TAF4: variants seen among roughly 807,000 people sequenced by gnomAD.
The protein encoded by TAF4 is transcription initiation factor TFIID subunit 4.
In TAF4, 9 loss-of-function variants were observed where a neutral mutation model predicts 90.3. The ratio of observed to expected loss-of-function variants is 0.10; its 90% CI spans 0.06 to 0.17. The LOEUF (loss-of-function observed/expected upper bound fraction) is 0.17, where lower values mean the gene tolerates loss of function less well. Ranked by LOEUF, TAF4 falls within the 10% of genes least tolerant of loss-of-function variation. The probability of loss-of-function intolerance (pLI) is 1.00; values close to 1 mark genes in which losing one functional copy is unlikely to be tolerated. For missense variants in TAF4, 1,351 were observed against 1,370.7 expected (o/e 0.99, Z 0.23); for synonymous variants, 818 against 638.9 (o/e 1.28, Z -4.23).
At chr20:62,046,434 C>A (rs183782554) in intron 1 of TAF4, among the ~76,000 whole-genome samples, 1 of 152,340 alleles carries the variant, frequency 6.6e-6, no homozygotes, top group East Asian at 1.9e-4. Flanking sequence ...GAATTTCATA[C>A]AAATGAAATT....
At chr20:62,000,530 C>CA in intron 10 of TAF4, 22 bp downstream of exon 10, 5 of 1,605,574 alleles carry the variant, frequency 3.1e-6, no homozygotes, top group Non-Finnish European at 4.3e-6. Context: ...AATAAGAACT[C>CA]AGTCATTAAA....
At position 62,064,442 on chromosome 20, in the gene TAF4, G is replaced by A. The variant is rs1600869443; in HGVS notation, c.1360+9C>T. On this transcript the variant is annotated intron_variant, in intron 1 of 14. Transcript: ENST00000252996. ...CCGCCCTTCCCTCCCGCCCCGTGCG[G>A]CCACTCACCTGGGGGCAGCTGGAAG... The A allele has an allele frequency of 4.3e-6, 6 of 1,381,354 alleles. No homozygotes were observed. The highest frequency in any genetic ancestry group is 5.7e-6 in the Non-Finnish European group (6 of 1,059,476). 85.6% of individuals were successfully genotyped at this position (1,381,354 alleles called of 1,614,324 possible).
At chr20:62,013,095 T>C (rs2055789121) in intron 2 of TAF4, among the ~76,000 whole-genome samples, 161 bp from the exon 3 acceptor site, 2 of 152,238 alleles carry the variant, frequency 1.3e-5, no homozygotes, top group African/African-American at 4.8e-5. Flanking sequence ...AAAGTTTTCT[T>C]ACCAAAGAAC....
rs542917296 is a variant in TAF4, at chr20:62,018,937, C to T, written c.1361-4230G>A. On this transcript the variant is annotated intron_variant, in intron 1 of 14. Coordinates refer to ENST00000252996, the MANE Select transcript of TAF4 (RefSeq NM_003185.4). ...GGGGCCTGGGACCCTGCCTCCTGACCGGGCCACTGTGGCCACCGCCGCCTC... is the reference window on the plus strand; with the variant it reads ...GGGGCCTGGGACCCTGCCTCCTGACTGGGCCACTGTGGCCACCGCCGCCTC... Among the ~76,000 whole-genome samples the T allele has an allele frequency of 5.3e-5, 8 of 152,246 alleles. No homozygotes were observed. In the East Asian group the frequency reaches 5.8e-4, roughly 11 times the overall value.
At position 62,000,138 on chromosome 20, in the gene TAF4, T is replaced by C; in HGVS notation, c.2773A>G (p.Asn925Asp). The C allele has an allele frequency of 6.2e-7, 1 of 1,614,224 alleles. No individual in the cohort carries two copies. Among genetic ancestry groups the C allele is most frequent in the Non-Finnish European group, 8.5e-7 (1 of 1,180,024 alleles). Residue 925 changes from asparagine to aspartate, a missense_variant, in exon 11 of 15, where the codon AAC becomes GAC. Coordinates refer to ENST00000252996, the MANE Select transcript of TAF4 (RefSeq NM_003185.4). The stretch of plus-strand genomic sequence containing the variant: ...CAGCCTGTTACCTTGTAAGAAAAGT[T>C]CTTCTGCTGAGCTGTTTCTGATATT... ...EKISETAQQKNFSYKDDDRYE... is the reference protein window; with the variant it reads ...EKISETAQQKDFSYKDDDRYE...
At chr20:62,018,638 C>T (rs1023187568) in intron 1 of TAF4, among the ~76,000 whole-genome samples, 1 of 152,190 alleles carries the variant, frequency 6.6e-6, no homozygotes, top group African/African-American at 2.4e-5. Flanking sequence ...GAGAGAGCCA[C>T]GTGGGACACT....
At chr20:62,012,656 A>C (rs996678990) in intron 3 of TAF4, 159 bp downstream of exon 3, 2 of 1,097,516 alleles carry the variant, frequency 1.8e-6, no homozygotes, top group Non-Finnish European at 2.4e-6. Flanking sequence ...TTGGTGGTCA[A>C]AGAAAAAGCA....
intron 1 of TAF4, among the ~76,000 whole-genome samples, chr20:62,050,527 C>G (rs577095086): frequency 6.6e-6 from 1 of 152,148 alleles, no homozygotes; most frequent in African/African-American, 2.4e-5. Context: ...CTCTCTCCCC[C>G]ACCCCTCCCC....
chr20:61,983,970 A>G (rs1167702070), intron 14 of TAF4, among the ~76,000 whole-genome samples: 1 of 152,242 alleles, frequency 6.6e-6, no homozygotes, highest in Non-Finnish European at 1.5e-5. Flanking sequence ...GCTGCCAATG[A>G]AGATATGACA....
chr20:62,063,041 A>G (rs2056098491), intron 1 of TAF4, among the ~76,000 whole-genome samples: 1 of 152,218 alleles, frequency 6.6e-6, no homozygotes, highest in African/African-American at 2.4e-5. Context: ...TACACATAAC[A>G]GCAAAACCAA....
chr20:62,064,357 T>A, intron 1 of TAF4, 94 bp downstream of exon 1: 2 of 1,244,680 alleles, frequency 1.6e-6, no homozygotes, highest in Non-Finnish European at 2.0e-6. Context: ...ACGGGACAGA[T>A]GACCTTAGCA....
intron 1 of TAF4, among the ~76,000 whole-genome samples, chr20:62,028,296 T>C (rs936959175): frequency 1.3e-5 from 2 of 152,254 alleles, no homozygotes; most frequent in African/African-American, 4.8e-5. Flanking sequence ...AATTGAATTC[T>C]CTTTAAGTTA....
chr20:61,998,027 C>T (rs766207173), intron 13 of TAF4, 109 bp downstream of exon 13: 53 of 1,041,596 alleles, frequency 5.1e-5, no homozygotes, highest in Non-Finnish European at 6.6e-5. Context: ...TAAACAGACA[C>T]GCAAATGCCT....
At chr20:62,038,290 G>A (rs1041676444) in intron 1 of TAF4, among the ~76,000 whole-genome samples, 2 of 151,816 alleles carry the variant, frequency 1.3e-5, no homozygotes, top group African/African-American at 4.8e-5. Context: ...GCCTCCCAAA[G>A]TGCTGGGACT....
At chr20:62,001,578 G>A (rs2055703699) in intron 9 of TAF4, among the ~76,000 whole-genome samples, 1 of 152,172 alleles carries the variant, frequency 6.6e-6, no homozygotes, top group African/African-American at 2.4e-5. Context: ...CGTCTCCTGG[G>A]GTCGTTGTGT....
chr20:62,010,077 G>A lies in TAF4; in HGVS notation c.1730C>T (p.Pro577Leu). 1 of 1,613,678 alleles carries A rather than the reference G, an allele frequency of 6.2e-7. No homozygotes were observed. Among genetic ancestry groups the A allele is most frequent in the Non-Finnish European group, 8.5e-7 (1 of 1,180,004 alleles). The change falls in exon 4 of 15, where the codon CCA becomes CTA. Residue 577 changes from proline (P) to leucine (L), a missense_variant. Physicochemically the swap from Pro to Leu is moderately conservative, Grantham distance 98. Around this residue, in one of 9 missense-constraint regions of TAF4, gnomAD observed 143 missense variants for 176.3 expected, o/e 0.81. Coordinates refer to ENST00000252996, the MANE Select transcript of TAF4 (RefSeq NM_003185.4). This position sits in a 1 kb window ranked among gnomAD's most constrained non-coding sequence, Gnocchi z 4.5. ...AGCTGAGGAAGTGGTGGTCGCCCCT[G>A]GTACCGTGCGCTGAGGAGTCCCCGT... The part of the protein sequence containing the change: ...VQTGTPQRTV[P>L]GATTTSSAAT...
Position 62,064,565 on chromosome 20 carries a change from G to A in TAF4, c.1246C>T (p.Pro416Ser), listed in dbSNP as rs1568946699. Residue 416 changes from proline to serine, a missense_variant, in exon 1 of 15, where the codon CCC becomes TCC. Around this residue, in one of 9 missense-constraint regions of TAF4, gnomAD observed 782 missense variants for 536.6 expected, o/e 1.46. Coordinates refer to ENST00000252996, the MANE Select transcript of TAF4 (RefSeq NM_003185.4). Reference protein sequence around the residue: ...GAVTQSLSRTPTATTSGIRAT... With the variant: ...GAVTQSLSRTSTATTSGIRAT... ...CGAATCCCGCTGGTGGTGGCCGTGGGCGTCCGGGACAGGCTCTGGGTCACT... is the reference window on the plus strand; with the variant it reads ...CGAATCCCGCTGGTGGTGGCCGTGGACGTCCGGGACAGGCTCTGGGTCACT... 7.3e-6 allele frequency: 11 copies of A among 1,516,780 alleles called. No homozygotes were observed. The highest frequency in any genetic ancestry group is 9.7e-6 in the Non-Finnish European group (11 of 1,137,762). The allele number at this position is 1,516,780 out of a possible 1,614,324, so 94.0% of individuals were successfully genotyped here.
intron 14 of TAF4, among the ~76,000 whole-genome samples, chr20:61,983,120 G>C (rs911905107): frequency 6.6e-6 from 1 of 152,116 alleles, no homozygotes; most frequent in Non-Finnish European, 1.5e-5. Context: ...AAAAGGCAGA[G>C]GAAGAAGCCA....
chr20:62,040,178 A>C (rs531629247), intron 1 of TAF4, among the ~76,000 whole-genome samples: 1 of 152,378 alleles, frequency 6.6e-6, no homozygotes, highest in African/African-American at 2.4e-5. Flanking sequence ...GGAAACATTC[A>C]TAGAAGCATT....
Sources: gnomAD v4.1 joint callset for allele counts (sites outside exome capture counted in the v4.1 genomes callset) on GRCh38, gnomAD v4.1.1 for gene constraint, gnomAD v4.1.1 regional missense constraint, Gnocchi (gnomAD v3.1) non-coding constraint, MANE v1.5 for transcripts, NCBI Gene and HGNC (gene_info 2026-07-23, HGNC 2026-07-21) for gene names.